The following TENM3 variants were observed in gnomAD, a reference collection of about 807,000 sequenced individuals.
The protein encoded by TENM3 is teneurin transmembrane protein 3.
Under a neutral mutation model 255.1 loss-of-function variants are expected in TENM3, and 63 were observed. The observed-to-expected ratio is 0.25, with a 90% CI of 0.20 to 0.30. TENM3 has a LOEUF of 0.30. TENM3 is among the 10% of genes least tolerant of loss of function. The pLI is 1.00. For missense variants in TENM3, 2,929 were observed against 3,461.1 expected (o/e 0.85, Z 3.86); for synonymous variants, 1,306 against 1,322.3 (o/e 0.99, Z 0.27).
chr4:181,811,109 G>A, the TENM3 span, among the ~76,000 whole-genome samples: 3 of 152,154 alleles, frequency 2.0e-5, no homozygotes, highest in Non-Finnish European at 4.4e-5. Flanking sequence ...CAAGAGATAT[G>A]TCTGCCAAGC....
At chr4:182,410,523 C>T (rs1411305295) in intron 3 of TENM3, among the ~76,000 whole-genome samples, 1 of 152,196 alleles carries the variant, frequency 6.6e-6, no homozygotes, top group African/African-American at 2.4e-5. Flanking sequence ...AGCTGCCACA[C>T]AGATTTTTAT....
Position 182,753,531 on chromosome 4 carries a change from C to T in TENM3, c.3944C>T (p.Ser1315Leu). The T allele has an allele frequency of 1.9e-6, 3 of 1,613,916 alleles. No individual in the cohort carries two copies. The highest frequency in any genetic ancestry group is 1.7e-6 in the Non-Finnish European group (2 of 1,179,826). Reference sequence around the variant, plus strand: ...AAAGTTGACCAAAATGGAATCATATCAACTCTTCTGGGCTCTAACGATTTG... The same window carrying T: ...AAAGTTGACCAAAATGGAATCATATTAACTCTTCTGGGCTCTAACGATTTG... Reference protein sequence around the residue: ...IRKVDQNGIISTLLGSNDLTS... With the variant: ...IRKVDQNGIILTLLGSNDLTS... The change falls in exon 21 of 28, where the codon TCA becomes TTA. Residue 1315 changes from serine to leucine, a missense_variant. Ser to Leu is a moderately radical substitution (Grantham distance 145, BLOSUM62 -2). Around this residue, in one of 6 missense-constraint regions of TENM3, gnomAD observed 1,608 missense variants for 1,884.4 expected, o/e 0.85. Transcript: ENST00000511685.
At chr4:182,079,044 T>A in the TENM3 span, among the ~76,000 whole-genome samples, 2 of 152,138 alleles carry the variant, frequency 1.3e-5, no homozygotes, top group Non-Finnish European at 2.9e-5. Context: ...AACTGAGGCT[T>A]TGACATGGGA....
chr4:181,848,784 GTGA>G, the TENM3 span, among the ~76,000 whole-genome samples: 1 of 152,142 alleles, frequency 6.6e-6, no homozygotes, highest in Non-Finnish European at 1.5e-5. Flanking sequence ...TAAAAGTGAT[GTGA>G]TGAATCAGGC....
chr4:182,502,511 A>G (rs894680864), intron 3 of TENM3, among the ~76,000 whole-genome samples: 3 of 150,894 alleles, frequency 2.0e-5, no homozygotes, highest in African/African-American at 7.3e-5. Flanking sequence ...CTCCTTTTCA[A>G]GTTTTCATTG....
the TENM3 span, among the ~76,000 whole-genome samples, chr4:181,846,371 T>G: frequency 9.9e-5 from 15 of 152,174 alleles, no homozygotes; most frequent in Admixed American, 8.5e-4. Flanking sequence ...ACAGCTTGTT[T>G]GTAGGTTGCA....
the TENM3 span, among the ~76,000 whole-genome samples, chr4:182,093,924 A>G: frequency 6.6e-6 from 1 of 152,186 alleles, no homozygotes; most frequent in African/African-American, 2.4e-5. Flanking sequence ...ATGTTTTAAT[A>G]TATAATAGAT....
the TENM3 span, among the ~76,000 whole-genome samples, chr4:182,035,618 C>A: frequency 2.0e-5 from 3 of 152,118 alleles, no homozygotes; most frequent in African/African-American, 7.2e-5. Context: ...TTCACTCGAG[C>A]CTTTTTAATG....
At chr4:181,788,303 G>C in the TENM3 span, among the ~76,000 whole-genome samples, 1 of 152,110 alleles carries the variant, frequency 6.6e-6, no homozygotes, top group Non-Finnish European at 1.5e-5. Context: ...GCACTGTGCT[G>C]GGGGACTAAG....
the TENM3 span, among the ~76,000 whole-genome samples, chr4:182,084,591 T>C: frequency 1.3e-5 from 2 of 152,258 alleles, no homozygotes; most frequent in Admixed American, 1.3e-4. Context: ...TATTGAACCT[T>C]ACTTGTTGAC....
the TENM3 span, among the ~76,000 whole-genome samples, chr4:181,887,044 T>C: frequency 1.3e-5 from 2 of 152,182 alleles, no homozygotes; most frequent in Non-Finnish European, 2.9e-5. Context: ...ACTTTCCTGT[T>C]TTATTTCATG....
At chr4:181,762,857 G>A in the TENM3 span, among the ~76,000 whole-genome samples, 5 of 151,946 alleles carry the variant, frequency 3.3e-5, no homozygotes, top group African/African-American at 1.2e-4. Flanking sequence ...TTGAATTAAA[G>A]TAGGAAAGCT....
At chr4:181,732,953 C>T in the TENM3 span, among the ~76,000 whole-genome samples, 4 of 152,070 alleles carry the variant, frequency 2.6e-5, no homozygotes, top group Non-Finnish European at 4.4e-5. Flanking sequence ...AGCAAAGACC[C>T]GTTGTTGCTT....
chr4:182,638,784 C>G (rs1045620096), intron 5 of TENM3, among the ~76,000 whole-genome samples: 1 of 152,180 alleles, frequency 6.6e-6, no homozygotes, highest in African/African-American at 2.4e-5. Context: ...TAGCCACTGC[C>G]TGATCCTTTC....
At chr4:181,984,110 T>G in the TENM3 span, among the ~76,000 whole-genome samples, 1 of 152,046 alleles carries the variant, frequency 6.6e-6, no homozygotes, top group Admixed American at 6.6e-5. Context: ...GTGGGACTCC[T>G]AAAGCTTCCT....
chr4:182,447,323 A>T (rs1319066843), intron 3 of TENM3, among the ~76,000 whole-genome samples: 1 of 152,124 alleles, frequency 6.6e-6, no homozygotes, highest in Non-Finnish European at 1.5e-5. Flanking sequence ...GAGCGGCGTT[A>T]GATATTTCCA....
intron 3 of TENM3, among the ~76,000 whole-genome samples, chr4:182,596,354 C>T (rs143795116): frequency 4.3e-4 from 65 of 152,248 alleles, no homozygotes; most frequent in Non-Finnish European, 5.3e-4. Flanking sequence ...AAAGGTGAAT[C>T]GCATGTGAAT....
chr4:181,521,008 C>T, the TENM3 span, among the ~76,000 whole-genome samples: 6 of 152,224 alleles, frequency 3.9e-5, no homozygotes, highest in Non-Finnish European at 5.9e-5. Context: ...ATGTGTTCCT[C>T]TGTTGCGTGT....
In TENM3 at chr4:182,754,252, C is replaced by T; in HGVS notation, c.4018-133C>T. 1 of 871,324 alleles carries T rather than the reference C, an allele frequency of 1.1e-6. No individual in the cohort carries two copies. Among genetic ancestry groups the T allele is most frequent in the East Asian group, 2.7e-5 (1 of 37,116 alleles). 54.0% of individuals were successfully genotyped at this position (871,324 alleles called of 1,614,324 possible). A position where few individuals can be genotyped will look rare whatever the true frequency, so the allele number is the denominator to read the frequency against. ...TACTTTTTGGTTTATTTTACTGAGG[C>T]TATTGAAAAAACTATTATCAGACAG... is the stretch of plus-strand genomic sequence containing the variant. On this transcript the variant is annotated intron_variant, in intron 21 of 27. Transcript: ENST00000511685. This position sits in a 1 kb window ranked among gnomAD's most constrained non-coding sequence, Gnocchi z 5.1.
Sources: gnomAD v4.1 joint callset for allele counts (sites outside exome capture counted in the v4.1 genomes callset) on GRCh38, gnomAD v4.1.1 for gene constraint, gnomAD v4.1.1 regional missense constraint, Gnocchi (gnomAD v3.1) non-coding constraint, MANE v1.5 for transcripts, NCBI Gene and HGNC (gene_info 2026-07-23, HGNC 2026-07-21) for gene names.